The following BBS9 variants were observed in gnomAD, a reference collection of about 807,000 sequenced individuals.
BBS9 encodes Bardet-Biedl syndrome 9.
A neutral mutation model predicts 117.7 loss-of-function variants in BBS9; 89 were observed. That is an observed-to-expected ratio of 0.76 (90% CI 0.64 to 0.90). The LOEUF (loss-of-function observed/expected upper bound fraction) is 0.90, where lower values mean the gene tolerates loss of function less well. Ranked by LOEUF, BBS9 falls within the 40% of genes least tolerant of loss-of-function variation. The pLI, the probability that BBS9 is intolerant of heterozygous loss-of-function variation, is 0.00. For missense variants in BBS9, 982 were observed against 1,042.2 expected, an observed-to-expected ratio of 0.94 and a Z score of 0.80; for synonymous variants, 379 against 370.9, an observed-to-expected ratio of 1.02 and a Z score of -0.25.
intron 19 of BBS9, among the ~76,000 whole-genome samples, chr7:33,406,683 T>C (rs1395274760): frequency 1.3e-5 from 2 of 152,254 alleles, no homozygotes; most frequent in Non-Finnish European, 2.9e-5. Context: ...TTATTTCTCC[T>C]TCACTTATGA....
At chr7:33,251,578 A>G (rs991926644) in intron 5 of BBS9, among the ~76,000 whole-genome samples, 5 of 152,240 alleles carry the variant, frequency 3.3e-5, no homozygotes. Context: ...GCAAGGAAGC[A>G]TGCATCATCA....
At chr7:33,403,444 T>A (rs1367932892) in intron 19 of BBS9, among the ~76,000 whole-genome samples, 1 of 149,394 alleles carries the variant, frequency 6.7e-6, no homozygotes, top group African/African-American at 2.5e-5. Flanking sequence ...TAGTTATGTC[T>A]CCTAATGCTA....
At chr7:33,513,708 ATT>A (rs1411831012) in intron 20 of BBS9, among the ~76,000 whole-genome samples, 1 of 152,214 alleles carries the variant, frequency 6.6e-6, no homozygotes, top group Admixed American at 6.5e-5. Flanking sequence ...ATAAATAAAT[ATT>A]CACATACATG....
chr7:33,136,817 G>T (rs1337404304), intron 1 of BBS9, among the ~76,000 whole-genome samples: 1 of 152,148 alleles, frequency 6.6e-6, no homozygotes, highest in Non-Finnish European at 1.5e-5. Context: ...TTGGCTCAGG[G>T]TAATTAGATT....
chr7:33,598,132 G>T (rs551239641), intron 21 of BBS9, among the ~76,000 whole-genome samples: 1 of 151,732 alleles, frequency 6.6e-6, no homozygotes, highest in African/African-American at 2.4e-5. Context: ...TCCTTCAGGG[G>T]CCTCTCTGTT....
Position 33,146,293 on chromosome 7 carries a change from T to C in BBS9, c.41T>C (p.Leu14Pro). 6.2e-7 allele frequency: 1 copy of C among 1,614,148 alleles called. No homozygotes were observed. The highest frequency in any genetic ancestry group is 8.5e-7 in the Non-Finnish European group (1 of 1,179,982). ...FKARDWWSTI[L>P]GDKEEFDQGC... ...GCCCGTGATTGGTGGTCTACTATTCTGGGAGATAAAGAAGAATTTGATCAA... is the reference window on the plus strand; with the variant it reads ...GCCCGTGATTGGTGGTCTACTATTCCGGGAGATAAAGAAGAATTTGATCAA... Residue 14 changes from leucine to proline, a missense_variant, in exon 2 of 23, where the codon CTG (leucine) becomes CCG (proline). By Grantham distance (98) the Leu-to-Pro change is moderately conservative. Coordinates refer to ENST00000242067, the MANE Select transcript of BBS9 (RefSeq NM_198428.3).
chr7:33,214,998 C>T (rs1431510297), intron 5 of BBS9, among the ~76,000 whole-genome samples: 2 of 152,172 alleles, frequency 1.3e-5, no homozygotes, highest in Non-Finnish European at 2.9e-5. Flanking sequence ...CGAGGCCATC[C>T]TGGCTAACAT....
intron 21 of BBS9, among the ~76,000 whole-genome samples, chr7:33,618,673 A>T (rs1489423476): frequency 1.3e-5 from 2 of 152,164 alleles, no homozygotes; most frequent in Non-Finnish European, 2.9e-5. Flanking sequence ...CGGGCAATAT[A>T]TCAAGACCCC....
At chr7:33,346,329 G>A (rs1563037297) in intron 12 of BBS9, 1 of 463,406 alleles carries the variant, frequency 2.2e-6, no homozygotes, top group Non-Finnish European at 4.5e-6. Flanking sequence ...GCTACCTTGA[G>A]TATGTGTGCA....
intron 21 of BBS9, among the ~76,000 whole-genome samples, chr7:33,556,227 G>A (rs1392793294): frequency 1.3e-5 from 2 of 152,120 alleles, no homozygotes; most frequent in Non-Finnish European, 2.9e-5. Context: ...TATATCCTCC[G>A]ATGTACTAGA....
At chr7:33,193,666 G>A (rs1331745487) in intron 5 of BBS9, among the ~76,000 whole-genome samples, 1 of 152,136 alleles carries the variant, frequency 6.6e-6, no homozygotes, top group Non-Finnish European at 1.5e-5. Context: ...TCTAGGGGCA[G>A]TGGAGAAGAC....
chr7:33,548,525 GTGTGATATTCCCCTTCC>G (rs1853800974), intron 21 of BBS9, among the ~76,000 whole-genome samples: 1 of 119,748 alleles, frequency 8.4e-6, no homozygotes, highest in Non-Finnish European at 1.6e-5. Flanking sequence ...AGTCCCCAGA[GTGTGATATTCCCCTTCC>G]TGTGTCCATG....
At chr7:33,508,225 G>T (rs1301991868) in intron 20 of BBS9, among the ~76,000 whole-genome samples, 2 of 152,222 alleles carry the variant, frequency 1.3e-5, no homozygotes, top group Non-Finnish European at 2.9e-5. Flanking sequence ...AGGAAGGACT[G>T]AAAGGAAAAG....
chr7:33,225,908 C>T (rs191536550), intron 5 of BBS9, among the ~76,000 whole-genome samples: 1 of 152,190 alleles, frequency 6.6e-6, no homozygotes, highest in East Asian at 1.9e-4. Flanking sequence ...TTTTACTTAT[C>T]CTCATTGATT....
chr7:33,344,123 C>T (rs1168303861), intron 11 of BBS9, among the ~76,000 whole-genome samples: 1 of 142,814 alleles, frequency 7.0e-6, no homozygotes, highest in African/African-American at 2.7e-5. Context: ...TCTCTGTCGC[C>T]CAGGCTGGAG....
At chr7:33,264,253 A>C in intron 6 of BBS9, 37 bp from the exon 7 acceptor site, 1 of 1,067,804 alleles carries the variant, frequency 9.4e-7, no homozygotes, top group Non-Finnish European at 1.3e-6. Context: ...TTTTAATTAT[A>C]AACTCATTTA....
intron 6 of BBS9, among the ~76,000 whole-genome samples, chr7:33,257,818 G>A (rs895550657): frequency 4.6e-5 from 7 of 152,210 alleles, no homozygotes; most frequent in East Asian, 1.9e-4. Flanking sequence ...AGTGAAAAAA[G>A]CCAAATTGAA....
intron 2 of BBS9, among the ~76,000 whole-genome samples, chr7:33,148,207 G>C (rs1792718622): frequency 6.6e-6 from 1 of 152,114 alleles, no homozygotes; most frequent in East Asian, 1.9e-4. Flanking sequence ...GTAGAGATTT[G>C]GGGATGAACA....
At chr7:33,171,629 T>A (rs891056162) in intron 4 of BBS9, among the ~76,000 whole-genome samples, 38 of 152,332 alleles carry the variant, frequency 2.5e-4, no homozygotes, top group Admixed American at 4.6e-4. Flanking sequence ...TTATTGTTTT[T>A]TAACAGACCT....
Sources: gnomAD v4.1 joint callset for allele counts (sites outside exome capture counted in the v4.1 genomes callset) on GRCh38, gnomAD v4.1.1 for gene constraint, MANE v1.5 for transcripts, NCBI Gene and HGNC (gene_info 2026-07-23, HGNC 2026-07-21) for gene names.